The following KCNT2 variants were observed in gnomAD, a reference collection of about 807,000 sequenced individuals.
KCNT2 encodes potassium sodium-activated channel subfamily T member 2.
A neutral mutation model predicts 153.8 loss-of-function variants in KCNT2; 67 were observed. That is an observed-to-expected ratio of 0.44 (90% CI 0.36 to 0.53). The LOEUF (loss-of-function observed/expected upper bound fraction) is 0.53. KCNT2 is among the 20% of genes least tolerant of loss of function. The probability of loss-of-function intolerance (pLI) is 0.00; values close to 1 mark genes in which losing one functional copy is unlikely to be tolerated. For synonymous variants in KCNT2, 500 were observed against 458.8 expected, an observed-to-expected ratio of 1.09 and a Z score of -1.15; for missense variants, 975 against 1,354.8, an observed-to-expected ratio of 0.72 and a Z score of 4.40.
At chr1:196,283,580 A>T (rs904664503) in intron 23 of KCNT2, among the ~76,000 whole-genome samples, 2 of 152,202 alleles carry the variant, frequency 1.3e-5, no homozygotes, top group African/African-American at 4.8e-5. Context: ...GACACAGACC[A>T]TTTTGTTAGT....
At chr1:196,459,423 A>C (rs1676960653) in intron 8 of KCNT2, among the ~76,000 whole-genome samples, 1 of 151,782 alleles carries the variant, frequency 6.6e-6, no homozygotes, top group African/African-American at 2.4e-5. Flanking sequence ...CAAAGAAAGA[A>C]ATAGAAAAAA....
intron 1 of KCNT2, among the ~76,000 whole-genome samples, chr1:196,522,351 C>T (rs1349051968): frequency 6.6e-6 from 1 of 152,116 alleles, no homozygotes; most frequent in African/African-American, 2.4e-5. Context: ...AAAAGTATTA[C>T]TACTAGAGGT....
At chr1:196,323,704 TTC>T (rs1388328134) in intron 19 of KCNT2, among the ~76,000 whole-genome samples, 5 of 151,956 alleles carry the variant, frequency 3.3e-5, no homozygotes, top group African/African-American at 1.2e-4. Flanking sequence ...TATTATTTAT[TTC>T]TGTTATATTG....
At chr1:196,401,128 C>T (rs752511796) in intron 12 of KCNT2, among the ~76,000 whole-genome samples, 1 of 151,802 alleles carries the variant, frequency 6.6e-6, no homozygotes, top group Non-Finnish European at 1.5e-5. Context: ...AGCATAAAAA[C>T]AATCTGAGCT....
intron 1 of KCNT2, among the ~76,000 whole-genome samples, chr1:196,503,524 T>C (rs2148772140): frequency 6.6e-6 from 1 of 152,180 alleles, no homozygotes; most frequent in Non-Finnish European, 1.5e-5. Context: ...AATCTCTAAC[T>C]CAAATGGGAA....
intron 18 of KCNT2, among the ~76,000 whole-genome samples, chr1:196,329,086 A>G (rs151219035): frequency 6.6e-6 from 1 of 152,264 alleles, no homozygotes; most frequent in East Asian, 1.9e-4. Flanking sequence ...ATAGGGAAAC[A>G]AAGAGCAGAG....
chr1:196,557,425 C>A (rs1413751748), intron 1 of KCNT2, among the ~76,000 whole-genome samples: 1 of 151,152 alleles, frequency 6.6e-6, no homozygotes, highest in African/African-American at 2.4e-5. Context: ...ATAGCAAATG[C>A]CATCATATCA....
chr1:196,297,650 A>G (rs1660797995), intron 22 of KCNT2, among the ~76,000 whole-genome samples: 1 of 152,180 alleles, frequency 6.6e-6, no homozygotes, highest in Non-Finnish European at 1.5e-5. Context: ...TTCTTTTCAA[A>G]TTATTTTTGG....
At chr1:196,395,147 AC>A (rs1670822328) in intron 13 of KCNT2, among the ~76,000 whole-genome samples, 1 of 151,318 alleles carries the variant, frequency 6.6e-6, no homozygotes, top group African/African-American at 2.4e-5. Flanking sequence ...TAAATATATT[AC>A]TCGGTTTGTT....
intron 21 of KCNT2, among the ~76,000 whole-genome samples, chr1:196,306,523 G>A (rs1661652100): frequency 6.6e-6 from 1 of 152,086 alleles, no homozygotes; most frequent in Admixed American, 6.6e-5. Flanking sequence ...AACTCTGGAA[G>A]GTTGATGGAT....
At position 196,501,651 on chromosome 1, in the gene KCNT2, C is replaced by G. The variant is rs1365812085; in HGVS notation, c.96-9310G>C. Reference sequence around the variant, plus strand: ...CATTATCTAATGGGTACAATGTTCACTATTCAGATGATGGGCACACAAAAA... The same window carrying G: ...CATTATCTAATGGGTACAATGTTCAGTATTCAGATGATGGGCACACAAAAA... On this transcript the variant is annotated intron_variant, in intron 1 of 27. Transcript: ENST00000294725. Among the ~76,000 whole-genome samples, 3 of 152,240 alleles carry G rather than the reference C, an allele frequency of 2.0e-5. No homozygotes were observed. In the East Asian group the frequency reaches 5.8e-4, roughly 29 times the overall value.
At chr1:196,363,959 G>A (rs1385418714) in intron 14 of KCNT2, among the ~76,000 whole-genome samples, 1 of 151,910 alleles carries the variant, frequency 6.6e-6, no homozygotes, top group African/African-American at 2.4e-5. Flanking sequence ...TATATACATT[G>A]AAAATCATGA....
chr1:196,290,153 T>C (rs905494771), intron 22 of KCNT2, among the ~76,000 whole-genome samples: 2 of 152,124 alleles, frequency 1.3e-5, no homozygotes, highest in Non-Finnish European at 2.9e-5. Flanking sequence ...TTTTCTCAAC[T>C]ATAATTCTTT....
intron 1 of KCNT2, among the ~76,000 whole-genome samples, chr1:196,598,787 C>A (rs1664381297): frequency 6.6e-6 from 1 of 152,130 alleles, no homozygotes; most frequent in Admixed American, 6.5e-5. Flanking sequence ...AACAGAATTT[C>A]TCAGAATTGG....
At chr1:196,544,535 C>T (rs1194386021) in intron 1 of KCNT2, among the ~76,000 whole-genome samples, 1 of 151,898 alleles carries the variant, frequency 6.6e-6, no homozygotes, top group Non-Finnish European at 1.5e-5. Flanking sequence ...TCTAATAATG[C>T]TCTTCTGAAA....
intron 21 of KCNT2, among the ~76,000 whole-genome samples, chr1:196,306,751 A>T (rs1271903875): frequency 6.7e-6 from 1 of 149,442 alleles, no homozygotes; most frequent in Non-Finnish European, 1.5e-5. Context: ...TTTTTTTTAG[A>T]GTTGTCTGTA....
intron 1 of KCNT2, among the ~76,000 whole-genome samples, chr1:196,574,645 A>G (rs943732896): frequency 6.6e-6 from 1 of 151,980 alleles, no homozygotes; most frequent in Non-Finnish European, 1.5e-5. Context: ...CAATAATAAC[A>G]CAACTTGTTT....
chr1:196,459,822 A>G (rs1473426284), intron 8 of KCNT2, among the ~76,000 whole-genome samples: 2 of 151,780 alleles, frequency 1.3e-5, no homozygotes, highest in Non-Finnish European at 2.9e-5. Flanking sequence ...GAAGTCCTCT[A>G]ATCAAACTCT....
intron 1 of KCNT2, among the ~76,000 whole-genome samples, chr1:196,552,010 T>A (rs1657969028): frequency 6.6e-6 from 1 of 151,572 alleles, no homozygotes; most frequent in African/African-American, 2.4e-5. Context: ...GATTTTCTGA[T>A]GTGTTAGAAA....
Sources: allele counts gnomAD v4.1 joint callset (sites outside exome capture counted in the v4.1 genomes callset), GRCh38; gene constraint gnomAD v4.1.1; transcripts MANE v1.5; gene names NCBI Gene and HGNC (gene_info 2026-07-23, HGNC 2026-07-21).